TSPAN18: variants seen among roughly 807,000 people sequenced by gnomAD.
The protein encoded by TSPAN18 is tetraspanin-18.
Under a neutral mutation model 27.3 loss-of-function variants are expected in TSPAN18, and 14 were observed. The observed-to-expected ratio is 0.51, with a 90% CI of 0.34 to 0.80. The LOEUF is 0.80. TSPAN18 is among the 30% of genes least tolerant of loss of function. The pLI is 0.01. For missense variants in TSPAN18, 268 were observed against 323.9 expected (o/e 0.83, Z 1.32); for synonymous variants, 143 against 136.5 (o/e 1.05, Z -0.33).
intron 2 of TSPAN18, among the ~76,000 whole-genome samples, chr11:44,800,179 G>T (rs945232658): frequency 6.6e-6 from 1 of 151,954 alleles, no homozygotes; most frequent in African/African-American, 2.4e-5. Context: ...ATTGAGCCAG[G>T]TACTCTCTGC....
chr11:44,793,135 T>G (rs1470495994), intron 2 of TSPAN18, among the ~76,000 whole-genome samples: 1 of 152,126 alleles, frequency 6.6e-6, no homozygotes, highest in Non-Finnish European at 1.5e-5. Context: ...ACCTCCTGGG[T>G]TAAAGTGATT....
chr11:44,739,194 A>T (rs1363067535), intron 1 of TSPAN18, among the ~76,000 whole-genome samples: 1 of 152,136 alleles, frequency 6.6e-6, no homozygotes, highest in African/African-American at 2.4e-5. Flanking sequence ...CTAGGCTGTG[A>T]GGGAGGTGGA....
chr11:44,751,028 G>A (rs2134854808), intron 1 of TSPAN18, among the ~76,000 whole-genome samples: 1 of 152,316 alleles, frequency 6.6e-6, no homozygotes, highest in Admixed American at 6.5e-5. Context: ...AAGAGAGAGA[G>A]GGAGTGAGCT....
intron 2 of TSPAN18, among the ~76,000 whole-genome samples, chr11:44,786,648 T>A (rs375779722): frequency 1.5e-4 from 8 of 52,486 alleles, no homozygotes; most frequent in African/African-American, 3.1e-4. Flanking sequence ...TTTTTTTTTT[T>A]AAAGACAGAG....
intron 2 of TSPAN18, among the ~76,000 whole-genome samples, chr11:44,792,426 C>T (rs1038917755): frequency 1.3e-5 from 2 of 152,056 alleles, no homozygotes; most frequent in Admixed American, 1.3e-4. Context: ...AGGAGGTGAG[C>T]GGGGGTGGCC....
At chr11:44,847,276 A>G (rs1321983315) in intron 2 of TSPAN18, among the ~76,000 whole-genome samples, 2 of 152,252 alleles carry the variant, frequency 1.3e-5, no homozygotes, top group East Asian at 3.8e-4. Context: ...CCAAGGGTAC[A>G]GGCCCTGGGC....
chr11:44,794,316 T>TGTGTGTGTGCACGTGTGGATGC (rs1226639175), intron 2 of TSPAN18, among the ~76,000 whole-genome samples: 2 of 152,142 alleles, frequency 1.3e-5, no homozygotes, highest in African/African-American at 2.4e-5. Context: ...TGGTTGTGTG[T>TGTGTGTGTGCACGTGTGGATGC]GTGTGTGTGC....
intron 2 of TSPAN18, among the ~76,000 whole-genome samples, chr11:44,855,683 C>T (rs542178357): frequency 2.0e-5 from 3 of 152,062 alleles, no homozygotes; most frequent in East Asian, 3.9e-4. Context: ...CTAAATCAGC[C>T]AACAGTTTCC....
chr11:44,920,281 G>A (rs532481448), intron 8 of TSPAN18, among the ~76,000 whole-genome samples: 15 of 152,252 alleles, frequency 9.9e-5, no homozygotes, highest in Admixed American at 8.5e-4. Flanking sequence ...GGAGTTTCCC[G>A]ATGTTTCCTG....
intron 1 of TSPAN18, among the ~76,000 whole-genome samples, chr11:44,758,868 A>G (rs956317300): frequency 6.6e-6 from 1 of 152,190 alleles, no homozygotes; most frequent in African/African-American, 2.4e-5. Context: ...AGTGCTTTAC[A>G]TTGATTTCAT....
chr11:44,734,677 C>T lies in TSPAN18; in HGVS notation c.-240+7390C>T, dbSNP rs573520426. The stretch of plus-strand genomic sequence containing the variant: ...GAACTAATATGGCTTCCATTTGAAA[C>T]GGGACAAGAATTTGGAGCCCTGGGT... On this transcript the variant is annotated intron_variant, in intron 1 of 9. Coordinates refer to ENST00000520358, the MANE Select transcript of TSPAN18 (RefSeq NM_130783.5). Among the ~76,000 whole-genome samples, 16 of 152,318 alleles carry T rather than the reference C, an allele frequency of 1.1e-4. No individual in the cohort carries two copies. The South Asian group carries it at 1.2e-3, about 12-fold the overall frequency.
At chr11:44,922,801 C>G (rs1303433475) in intron 8 of TSPAN18, among the ~76,000 whole-genome samples, 3 of 152,126 alleles carry the variant, frequency 2.0e-5, no homozygotes, top group Non-Finnish European at 2.9e-5. Context: ...CAGTCTGGGG[C>G]ATGTTGCGTC....
intron 2 of TSPAN18, among the ~76,000 whole-genome samples, chr11:44,822,909 C>G (rs988705903): frequency 2.0e-5 from 3 of 152,176 alleles, no homozygotes; most frequent in Non-Finnish European, 4.4e-5. Context: ...GTAGGTGGAG[C>G]TGAGTTGATT....
intron 2 of TSPAN18, among the ~76,000 whole-genome samples, chr11:44,804,558 T>C (rs965468021): frequency 6.6e-6 from 1 of 152,122 alleles, no homozygotes; most frequent in Non-Finnish European, 1.5e-5. Flanking sequence ...GAGGGATGCC[T>C]TATTCATCTC....
chr11:44,866,438 C>A (rs947651422), intron 3 of TSPAN18, among the ~76,000 whole-genome samples: 16 of 152,268 alleles, frequency 1.1e-4, no homozygotes, highest in African/African-American at 3.9e-4. Context: ...CACACAGGGG[C>A]CCCGCAGACA....
chr11:44,930,900 C>T lies in TSPAN18; in HGVS notation c.*1722C>T. 1.9e-6 allele frequency: 1 copy of T among 526,188 alleles called. No individual in the cohort carries two copies. Among genetic ancestry groups the T allele is most frequent in the South Asian group, 1.4e-5 (1 of 69,762 alleles). The allele number at this position is 526,188 out of a possible 1,614,324, so 32.6% of individuals were successfully genotyped here. On this transcript the variant is annotated 3_prime_UTR_variant, in exon 10 of 10. Transcript: ENST00000520358. ...ATTCTGTCTCACAAGCCACCGGCATCCTGTATCAGCTTCCAGCCTCCCCTC... is the reference window on the plus strand; with the variant it reads ...ATTCTGTCTCACAAGCCACCGGCATTCTGTATCAGCTTCCAGCCTCCCCTC...
chr11:44,728,719 C>T (rs555765772), intron 1 of TSPAN18, among the ~76,000 whole-genome samples: 1 of 152,120 alleles, frequency 6.6e-6, no homozygotes, highest in Non-Finnish European at 1.5e-5. Context: ...CCTCAGGGTC[C>T]CTGTATGTTG....
chr11:44,741,447 A>ATATGTG (rs59390988), intron 1 of TSPAN18, among the ~76,000 whole-genome samples: 1 of 147,478 alleles, frequency 6.8e-6, no homozygotes, highest in South Asian at 2.2e-4. Context: ...TCAGACATGT[A>ATATGTG]TGTGTGTGTG....
rs575902568 is a variant in TSPAN18, at chr11:44,922,872, G to T, written c.615+2873G>T. Among the ~76,000 whole-genome samples, 7 of 152,330 alleles carry T rather than the reference G, an allele frequency of 4.6e-5. No individual in the cohort carries two copies. In the East Asian group the frequency reaches 1.4e-3, roughly 29 times the overall value. On this transcript the variant is annotated intron_variant, in intron 8 of 9. Transcript: ENST00000520358. ...GCCTGTAATCCCAACACTTTGGGAGGCCGAGGCGGGCGGATCACCTGATGT... is the reference window on the plus strand; with the variant it reads ...GCCTGTAATCCCAACACTTTGGGAGTCCGAGGCGGGCGGATCACCTGATGT...
Sources: gnomAD v4.1 joint callset for allele counts (sites outside exome capture counted in the v4.1 genomes callset) on GRCh38, gnomAD v4.1.1 for gene constraint, MANE v1.5 for transcripts, NCBI Gene and HGNC (gene_info 2026-07-23, HGNC 2026-07-21) for gene names.